CA2: variants seen among roughly 807,000 people sequenced by gnomAD.
CA2 encodes the protein carbonic anhydrase 2, also known as carbonate dehydratase II.
CA2 carries 23 observed loss-of-function variants against 27.8 expected under a neutral mutation model. The ratio of observed to expected loss-of-function variants is 0.83; its 90% CI spans 0.59 to 1.17. CA2 has a LOEUF of 1.17. CA2 is among the 50% of genes most tolerant of loss of function. The pLI, the probability that CA2 is intolerant of heterozygous loss-of-function variation, is 0.00. For missense variants in CA2, 300 were observed against 314.7 expected (o/e 0.95, Z 0.35); for synonymous variants, 99 against 114.9 (o/e 0.86, Z 0.88).
Position 85,464,057 on chromosome 8 carries a change from C to G in CA2, c.-25C>G. Reference sequence around the variant, plus strand: ...GCCGCCAGATCGGTGCCGATTCCTGCCCTGCCCCGACCGCCAGCGCGACCA... The same window carrying G: ...GCCGCCAGATCGGTGCCGATTCCTGGCCTGCCCCGACCGCCAGCGCGACCA... On this transcript the variant is annotated 5_prime_UTR_variant, in exon 1 of 7. Transcript: ENST00000285379. 6.5e-7 allele frequency: 1 copy of G among 1,544,708 alleles called. No individual in the cohort carries two copies. The highest frequency in any genetic ancestry group is 8.7e-7 in the Non-Finnish European group (1 of 1,147,954).
At chr8:85,479,428 A>T (rs1811854784) in intron 6 of CA2, among the ~76,000 whole-genome samples, 1 of 152,196 alleles carries the variant, frequency 6.6e-6, no homozygotes, top group African/African-American at 2.4e-5. Context: ...ATGTATGTGC[A>T]TGGAAGGTGG....
intron 2 of CA2, 53 bp downstream of exon 2, chr8:85,465,522 C>A (rs1489211953): frequency 4.1e-6 from 6 of 1,450,140 alleles, no homozygotes; most frequent in Middle Eastern, 1.7e-4. Context: ...GTTTTCCGAG[C>A]TTAATGGAAG....
chr8:85,465,415 C>T lies in CA2; in HGVS notation c.178C>T (p.Leu60Phe), dbSNP rs374927018. ...SYDQATSLRI[L>F]NNGHAFNVEF... Reference sequence around the variant, plus strand: ...TGATCAAGCAACTTCCCTGAGGATCCTCAACAATGGTCATGCTTTCAACGT... The same window carrying T: ...TGATCAAGCAACTTCCCTGAGGATCTTCAACAATGGTCATGCTTTCAACGT... Residue 60 changes from leucine to phenylalanine, a missense_variant, in exon 2 of 7, where the codon CTC (leucine) becomes TTC (phenylalanine). Physicochemically the swap from Leu to Phe is conservative, Grantham distance 22. Coordinates refer to ENST00000285379, the MANE Select transcript of CA2 (RefSeq NM_000067.3). 9 of 1,614,088 alleles carry T rather than the reference C, an allele frequency of 5.6e-6. No homozygotes were observed. The highest frequency in any genetic ancestry group is 7.6e-6 in the Non-Finnish European group (9 of 1,180,038).
intron 6 of CA2, among the ~76,000 whole-genome samples, chr8:85,480,168 T>C (rs1176241568): frequency 2.0e-5 from 3 of 152,196 alleles, no homozygotes; most frequent in Non-Finnish European, 2.9e-5. Context: ...ACATACATAA[T>C]CTATATGTGA....
At chr8:85,468,234 T>C (rs1207637595) in intron 2 of CA2, among the ~76,000 whole-genome samples, 5 of 152,118 alleles carry the variant, frequency 3.3e-5, no homozygotes, top group Admixed American at 6.5e-5. Flanking sequence ...CAAAGGGAGA[T>C]AGGAAATACC....
At chr8:85,477,507 G>C (rs1008166273) in intron 6 of CA2, among the ~76,000 whole-genome samples, 5 of 150,156 alleles carry the variant, frequency 3.3e-5, no homozygotes, top group Non-Finnish European at 7.4e-5. Context: ...TCATTGTAAG[G>C]ATTCAATGAG....
chr8:85,469,232 C>A (rs1811678438), intron 2 of CA2, among the ~76,000 whole-genome samples: 1 of 151,950 alleles, frequency 6.6e-6, no homozygotes, highest in Non-Finnish European at 1.5e-5. Flanking sequence ...CCTCTTATTT[C>A]CTGCATTTAA....
chr8:85,472,231 T>C (rs1563433593), intron 2 of CA2, among the ~76,000 whole-genome samples: 1 of 152,224 alleles, frequency 6.6e-6, no homozygotes, highest in Admixed American at 6.5e-5. Context: ...CATTATTTTA[T>C]GGAATTATAA....
At chr8:85,464,138 G>A (rs1329948151) in intron 1 of CA2, 23 bp downstream of exon 1, 3 of 1,533,132 alleles carry the variant, frequency 2.0e-6, no homozygotes, top group South Asian at 1.2e-5. Flanking sequence ...GACGGCCAGC[G>A]CGGGGGCGCC....
intron 1 of CA2, 29 bp downstream of exon 1, chr8:85,464,144 G>A: frequency 2.6e-6 from 4 of 1,529,630 alleles, no homozygotes; most frequent in South Asian, 1.2e-5. Flanking sequence ...CAGCGCGGGG[G>A]CGCCCCGATC....
intron 1 of CA2, 49 bp downstream of exon 1, chr8:85,464,164 C>A: frequency 1.4e-6 from 2 of 1,475,970 alleles, no homozygotes; most frequent in Non-Finnish European, 1.8e-6. Flanking sequence ...CCCCGATCCC[C>A]GATCCCCGAT....
chr8:85,465,775 G>A (rs1373928998), intron 2 of CA2, among the ~76,000 whole-genome samples: 1 of 152,182 alleles, frequency 6.6e-6, no homozygotes, highest in African/African-American at 2.4e-5. Flanking sequence ...GATCAGTCAC[G>A]ATGAGATTTG....
chr8:85,468,516 T>A (rs1440970401), intron 2 of CA2, among the ~76,000 whole-genome samples: 1 of 152,238 alleles, frequency 6.6e-6, no homozygotes, highest in African/African-American at 2.4e-5. Context: ...CCCAGCACTT[T>A]GGAAGACTGA....
intron 4 of CA2, chr8:85,474,656 A>G (rs1301071095): frequency 3.8e-6 from 2 of 523,064 alleles, no homozygotes; most frequent in African/African-American, 3.8e-5. Context: ...GAACATAAAG[A>G]GATCAACTTG....
rs764493785 is a variant in CA2 at position 85,465,287 on chromosome 8, A to C, written c.50A>C (p.His17Pro). ...TTTCCCCCAGGACCTGAGCACTGGC[A>C]TAAGGACTTCCCCATTGCCAAGGGA... ...YGKHNGPEHW[H>P]KDFPIAKGER... The change falls in exon 2 of 7, where the codon CAT becomes CCT. Residue 17 changes from histidine to proline, a missense_variant. By Grantham distance (77) the His-to-Pro change is moderately conservative. Around this residue, in one of 3 missense-constraint regions of CA2, gnomAD observed 122 missense variants for 133.2 expected, o/e 0.92. Coordinates refer to ENST00000285379, the MANE Select transcript of CA2 (RefSeq NM_000067.3). 6 of 1,614,094 alleles carry C rather than the reference A, an allele frequency of 3.7e-6. No individual in the cohort carries two copies. The highest frequency in any genetic ancestry group is 5.1e-6 in the Non-Finnish European group (6 of 1,179,964).
intron 2 of CA2, among the ~76,000 whole-genome samples, chr8:85,470,533 T>C (rs1412355868): frequency 6.6e-6 from 1 of 152,166 alleles, no homozygotes; most frequent in Non-Finnish European, 1.5e-5. Flanking sequence ...TAATTTAGTT[T>C]AAGTGATTAG....
intron 2 of CA2, chr8:85,473,459 A>G (rs1237736164): frequency 1.6e-6 from 1 of 637,690 alleles, no homozygotes; most frequent in East Asian, 3.2e-5. Context: ...CATGTGAGGA[A>G]TAAAAACAGG....
At chr8:85,480,376 A>G (rs1323379554) in intron 6 of CA2, among the ~76,000 whole-genome samples, 1 of 151,734 alleles carries the variant, frequency 6.6e-6, no homozygotes, top group Admixed American at 6.6e-5. Context: ...CTTGTGCCTT[A>G]GCCTCCTGAG....
intron 2 of CA2, among the ~76,000 whole-genome samples, chr8:85,470,446 T>A (rs1811698294): frequency 6.6e-6 from 1 of 152,172 alleles, no homozygotes; most frequent in Admixed American, 6.5e-5. Flanking sequence ...TTACTGGGAC[T>A]AGTTTATTTA....
Sources: gnomAD v4.1 joint callset for allele counts (sites outside exome capture counted in the v4.1 genomes callset) on GRCh38, gnomAD v4.1.1 for gene constraint, gnomAD v4.1.1 regional missense constraint, MANE v1.5 for transcripts, NCBI Gene and HGNC (gene_info 2026-07-23, HGNC 2026-07-21) for gene names.